The following NF2 variants were observed in gnomAD, a reference collection of about 807,000 sequenced individuals.
The protein encoded by NF2 is NF2, moesin-ezrin-radixin like (MERLIN) tumor suppressor, also known as merlin.
A neutral mutation model predicts 83.7 loss-of-function variants in NF2; 8 were observed. The observed-to-expected ratio is 0.10, with a 90% CI of 0.06 to 0.17. The LOEUF (loss-of-function observed/expected upper bound fraction) is 0.17. Among genes scored for constraint, NF2 ranks in the 10% least tolerant of loss-of-function variants. NF2 has a pLI of 1.00. For synonymous variants in NF2, 266 were observed against 269.6 expected (o/e 0.99, Z 0.13); for missense variants, 533 against 744.4 (o/e 0.72, Z 3.31).
intron 13 of NF2, among the ~76,000 whole-genome samples, chr22:29,677,264 G>C (rs905745886): frequency 1.3e-5 from 2 of 152,176 alleles, no homozygotes; most frequent in African/African-American, 2.4e-5. Flanking sequence ...TTGCCGGCTG[G>C]CTGGGAGGGG....
intron 1 of NF2, among the ~76,000 whole-genome samples, chr22:29,625,569 G>C (rs542918000): frequency 6.6e-6 from 1 of 152,320 alleles, no homozygotes; most frequent in African/African-American, 2.4e-5. Context: ...CTTGTTACAG[G>C]ATGATGTGTT....
chr22:29,661,425 C>A (rs2066475229), intron 8 of NF2, 86 bp downstream of exon 8: 1 of 1,570,426 alleles, frequency 6.4e-7, no homozygotes, highest in South Asian at 1.1e-5. Flanking sequence ...CAGGGCATCT[C>A]CTTGTTATTC....
chr22:29,650,770 T>C (rs1022346951), intron 4 of NF2, among the ~76,000 whole-genome samples: 1 of 152,034 alleles, frequency 6.6e-6, no homozygotes, highest in Non-Finnish European at 1.5e-5. Context: ...GCCAAGCTAA[T>C]TTTTGTATTT....
chr22:29,626,766 G>A lies in NF2; in HGVS notation c.115-9985G>A, dbSNP rs540727902. On this transcript the variant is annotated intron_variant, in intron 1 of 15. Transcript: ENST00000338641. ...GATACTTAGTCAGGGGTTGTGTTTC[G>A]TAATCTGCTAGTTGTACTTGATGTT... 8.5e-5 allele frequency among the ~76,000 whole-genome samples: 13 copies of A among 152,286 alleles called. No homozygotes were observed. In the South Asian group the frequency reaches 1.0e-3, roughly 12 times the overall value.
chr22:29,681,917 G>A lies in NF2; in HGVS notation c.1737+316G>A, dbSNP rs374608751. 3.3e-4 allele frequency among the ~76,000 whole-genome samples: 51 copies of A among 152,242 alleles called. No homozygotes were observed. The South Asian group carries it at 9.7e-3, about 29-fold the overall frequency. ...TAAGCCAAGGGGTGTTATACCCAGG[G>A]AGCTGCCTTACTTTATGAGAAAGCA... On this transcript the variant is annotated intron_variant, in intron 15 of 15. Coordinates refer to ENST00000338641, the MANE Select transcript of NF2 (RefSeq NM_000268.4).
At chr22:29,642,077 A>G in intron 3 of NF2, 125 bp from the exon 4 acceptor site, 1 of 784,852 alleles carries the variant, frequency 1.3e-6, no homozygotes, top group East Asian at 2.5e-5. Flanking sequence ...ACCCTTTGTC[A>G]GAAAATTATT....
chr22:29,671,447 T>C (rs547168821), intron 10 of NF2, among the ~76,000 whole-genome samples: 6 of 152,224 alleles, frequency 3.9e-5, no homozygotes, highest in African/African-American at 1.4e-4. Context: ...GAGAATTGAT[T>C]GAACCTGGGA....
At chr22:29,680,135 G>A (rs2067084752) in intron 14 of NF2, among the ~76,000 whole-genome samples, 1 of 149,922 alleles carries the variant, frequency 6.7e-6, no homozygotes, top group Non-Finnish European at 1.5e-5. Context: ...TTTTTGAGAT[G>A]GAGTCTCACT....
chr22:29,619,260 G>A (rs2065150992), intron 1 of NF2, among the ~76,000 whole-genome samples: 1 of 152,158 alleles, frequency 6.6e-6, no homozygotes, highest in Non-Finnish European at 1.5e-5. Flanking sequence ...GGTCATGCTG[G>A]TCTCGAACTC....
intron 1 of NF2, among the ~76,000 whole-genome samples, chr22:29,618,031 G>A (rs2065122411): frequency 6.6e-6 from 1 of 152,184 alleles, no homozygotes. Context: ...AGATATAGGA[G>A]GGACTATAAT....
Position 29,604,129 on chromosome 22 carries a change from C to T in NF2, c.114+17C>T, listed in dbSNP as rs758340243. ...AATTGCGAGGTAACCGGCCGGCAGC[C>T]CCGACTGCTGCGGTGACAGTCGAGG... On this transcript the variant is annotated intron_variant, in intron 1 of 15. Transcript: ENST00000338641. 6.4e-7 allele frequency: 1 copy of T among 1,573,242 alleles called. No individual in the cohort carries two copies. Among genetic ancestry groups the T allele is most frequent in the South Asian group, 1.1e-5 (1 of 87,208 alleles).
chr22:29,692,892 A>G (rs991179395), intron 15 of NF2, among the ~76,000 whole-genome samples: 1 of 152,232 alleles, frequency 6.6e-6, no homozygotes, highest in Admixed American at 6.5e-5. Flanking sequence ...AGGGGCTGCC[A>G]TCACGCCCGC....
rs1167558388 is a variant in NF2 at position 29,673,173 on chromosome 22, C to T, written c.1123-96C>T. 60 of 1,355,316 alleles carry T rather than the reference C, an allele frequency of 4.4e-5. 2 individuals are homozygous for T. The highest frequency in any genetic ancestry group is 1.5e-4 in the South Asian group (12 of 79,516). The allele number at this position is 1,355,316 out of a possible 1,614,324, so 84.0% of individuals were successfully genotyped here. On this transcript the variant is annotated intron_variant, in intron 11 of 15. Coordinates refer to ENST00000338641, the MANE Select transcript of NF2 (RefSeq NM_000268.4). ...ACTCAGCAGCAGGGCCCCAGGAGTC[C>T]GAGACTCTGGTTTGTCCCATCTCAG...
At chr22:29,686,021 A>G (rs2067262608) in intron 15 of NF2, among the ~76,000 whole-genome samples, 1 of 151,796 alleles carries the variant, frequency 6.6e-6, no homozygotes, top group South Asian at 2.1e-4. Flanking sequence ...TTTGTTACAT[A>G]TGTATACATG....
intron 14 of NF2, among the ~76,000 whole-genome samples, chr22:29,681,067 T>A (rs571534947): frequency 7.9e-4 from 115 of 146,226 alleles, no homozygotes; most frequent in South Asian, 1.3e-3. Context: ...TTTTTTTTTT[T>A]AAAAATAGAG....
rs557863025 is a variant in NF2 at position 29,669,142 on chromosome 22, T to C, written c.999+696T>C. Among the ~76,000 whole-genome samples, 152 of 152,354 alleles carry C rather than the reference T, an allele frequency of 1.0e-3. 1 individual carries two copies. Among genetic ancestry groups the C allele is most frequent in the South Asian group, 6.8e-3 (33 of 4,824 alleles). On this transcript the variant is annotated intron_variant, in intron 10 of 15. Transcript: ENST00000338641. ...AAGCTCAGAAGTGTAATAATTAGTC[T>C]GTGTGCACCTTTCTGATTTGGATAC...
chr22:29,663,227 A>G (rs2066524986), intron 8 of NF2, among the ~76,000 whole-genome samples: 3 of 152,184 alleles, frequency 2.0e-5, no homozygotes, highest in Admixed American at 6.5e-5. Flanking sequence ...CCAATTTCAT[A>G]AAGTCTGTTT....
intron 8 of NF2, among the ~76,000 whole-genome samples, chr22:29,663,140 T>G (rs2066523494): frequency 6.6e-6 from 1 of 152,224 alleles, no homozygotes; most frequent in African/African-American, 2.4e-5. Context: ...AGGTATTTCT[T>G]TTTTAAAGTA....
Position 29,696,623 on chromosome 22 carries a change from T to A in NF2, c.*1821T>A. 4.7e-6 allele frequency: 1 copy of A among 213,298 alleles called. No homozygotes were observed. The highest frequency in any genetic ancestry group is 9.5e-6 in the Non-Finnish European group (1 of 105,264). The allele number at this position is 213,298 out of a possible 1,614,324, so 13.2% of individuals were successfully genotyped here. On this transcript the variant is annotated 3_prime_UTR_variant, in exon 16 of 16. Transcript: ENST00000338641. ...TGCTCGGCAACTGCTTGGGTCACCTTGCCCCAAGGAAACCAGCCCTGGGTG... is the reference window on the plus strand; with the variant it reads ...TGCTCGGCAACTGCTTGGGTCACCTAGCCCCAAGGAAACCAGCCCTGGGTG...
Sources: gnomAD v4.1 joint callset for allele counts (sites outside exome capture counted in the v4.1 genomes callset) on GRCh38, gnomAD v4.1.1 for gene constraint, MANE v1.5 for transcripts, NCBI Gene and HGNC (gene_info 2026-07-23, HGNC 2026-07-21) for gene names.